MYO16: variants seen among roughly 807,000 people sequenced by gnomAD.
The protein encoded by MYO16 is myosin XVI.
A neutral mutation model predicts 205.3 loss-of-function variants in MYO16; 94 were observed. The observed-to-expected ratio is 0.46, with a 90% CI of 0.39 to 0.54. The LOEUF (loss-of-function observed/expected upper bound fraction) is 0.54. Among genes scored for constraint, MYO16 ranks in the 20% least tolerant of loss-of-function variants. The pLI is 0.00. For missense variants in MYO16, 2,315 were observed against 2,387.5 expected (o/e 0.97, Z 0.63); for synonymous variants, 988 against 954.0 (o/e 1.04, Z -0.66).
chr13:109,040,876 G>GA lies in MYO16; in HGVS notation c.2797-6037dup, dbSNP rs375353445. Reference sequence around the variant, plus strand: ...AGTTCTAGCAAGTGTAATAAAGCAAGAAAGGACATAAAAGGCAAACAGATT... The same window carrying GA: ...AGTTCTAGCAAGTGTAATAAAGCAAGAAAAGGACATAAAAGGCAAACAGATT... On this transcript the variant is annotated intron_variant, in intron 23 of 34. Coordinates refer to ENST00000457511, the MANE Select transcript of MYO16 (RefSeq NM_001198950.3). Among the ~76,000 whole-genome samples the GA allele has an allele frequency of 2.1e-3, 317 of 152,180 alleles. 1 individual carries two copies. The highest frequency in any genetic ancestry group is 7.3e-3 in the African/African-American group (302 of 41,540).
At chr13:108,769,284 G>A (rs576223963) in intron 4 of MYO16, among the ~76,000 whole-genome samples, 1 of 152,302 alleles carries the variant, frequency 6.6e-6, no homozygotes, top group East Asian at 1.9e-4. Context: ...GCACCAGGAT[G>A]GGCCAGAGAG....
intron 28 of MYO16, among the ~76,000 whole-genome samples, chr13:109,108,982 T>C (rs1366386009): frequency 6.6e-6 from 1 of 152,134 alleles, no homozygotes; most frequent in Non-Finnish European, 1.5e-5. Context: ...ATGTTTTCAT[T>C]ATTGCCCCAC....
chr13:109,111,022 C>A (rs1420860566), intron 28 of MYO16, among the ~76,000 whole-genome samples: 1 of 152,090 alleles, frequency 6.6e-6, no homozygotes, highest in Non-Finnish European at 1.5e-5. Context: ...ATGTTCAGAG[C>A]AGACAGATGG....
intron 2 of MYO16, among the ~76,000 whole-genome samples, chr13:108,708,126 C>T (rs375242517): frequency 3.1e-4 from 47 of 152,282 alleles, no homozygotes; most frequent in African/African-American, 1.1e-3. Flanking sequence ...TAATAAAATC[C>T]TCAAGTTATT....
chr13:108,629,686 T>C lies in MYO16; in HGVS notation c.-159T>C. 1 of 628,936 alleles carries C rather than the reference T, an allele frequency of 1.6e-6. No individual in the cohort carries two copies. Among genetic ancestry groups the C allele is most frequent in the South Asian group, 2.7e-5 (1 of 36,948 alleles). The allele number at this position is 628,936 out of a possible 1,614,324, so 39.0% of individuals were successfully genotyped here. ...TGCCGAATGAGAATGAGTTTGAAGCTTTTTGCAGGATCATGGAACAGAGCC... is the reference window on the plus strand; with the variant it reads ...TGCCGAATGAGAATGAGTTTGAAGCCTTTTGCAGGATCATGGAACAGAGCC... On this transcript the variant is annotated 5_prime_UTR_variant, in exon 1 of 35. Coordinates refer to ENST00000457511, the MANE Select transcript of MYO16 (RefSeq NM_001198950.3).
chr13:108,563,887 G>A, the MYO16 span, among the ~76,000 whole-genome samples: 1 of 152,146 alleles, frequency 6.6e-6, no homozygotes, highest in African/African-American at 2.4e-5. Context: ...TCATATGGTA[G>A]TTCTACTTTT....
intron 27 of MYO16, among the ~76,000 whole-genome samples, chr13:109,067,921 TAA>T (rs1386062756): frequency 6.6e-6 from 1 of 152,030 alleles, no homozygotes; most frequent in Non-Finnish European, 1.5e-5. Context: ...AAAATGAAAA[TAA>T]AAAGTCTTTA....
intron 4 of MYO16, among the ~76,000 whole-genome samples, chr13:108,745,290 G>A (rs191736516): frequency 6.6e-6 from 1 of 152,272 alleles, no homozygotes; most frequent in East Asian, 1.9e-4. Flanking sequence ...ATGGAGTGAG[G>A]AAACCCTGGG....
chr13:108,669,035 T>G (rs765965008), intron 2 of MYO16, among the ~76,000 whole-genome samples: 1 of 151,958 alleles, frequency 6.6e-6, no homozygotes, highest in Non-Finnish European at 1.5e-5. Context: ...GAGACGTAAA[T>G]TGAAAACTCA....
chr13:109,199,337 C>G (rs1002996456), intron 34 of MYO16, among the ~76,000 whole-genome samples: 2 of 150,466 alleles, frequency 1.3e-5, no homozygotes, highest in African/African-American at 4.9e-5. Flanking sequence ...GCTCAGTTGT[C>G]CCATTCATGA....
intron 2 of MYO16, among the ~76,000 whole-genome samples, chr13:108,701,881 A>G (rs552435886): frequency 4.6e-5 from 7 of 152,302 alleles, no homozygotes; most frequent in African/African-American, 1.4e-4. Flanking sequence ...AAACAAACAA[A>G]TAGAAATTCT....
At chr13:109,154,300 C>T (rs776455452) in intron 32 of MYO16, among the ~76,000 whole-genome samples, 2 of 152,158 alleles carry the variant, frequency 1.3e-5, no homozygotes, top group African/African-American at 4.8e-5. Flanking sequence ...AAGGTCCCCA[C>T]GTCCATCCCA....
intron 4 of MYO16, among the ~76,000 whole-genome samples, chr13:108,782,737 C>T (rs532274883): frequency 1.1e-3 from 166 of 152,212 alleles, no homozygotes; most frequent in Non-Finnish European, 9.6e-4. Context: ...TGCCATGTGT[C>T]CCAGCTGCTC....
At position 108,883,123 on chromosome 13, in the gene MYO16, C is replaced by T. The variant is rs1489230565; in HGVS notation, c.1490C>T (p.Ser497Phe). ...TCCTCGCTGCCTCCTCACCTCTTCT[C>T]CTGTGTGGAGAGAGCCTTTCACCAG... ...LCSSLPPHLF[S>F]CVERAFHQLF... Residue 497 changes from serine (S) to phenylalanine (F), a missense_variant, in exon 13 of 35, where the codon TCC becomes TTC. Physicochemically the swap from Ser to Phe is radical, Grantham distance 155. Around this residue, in one of 3 missense-constraint regions of MYO16, gnomAD observed 1,213 missense variants for 1,274.4 expected, o/e 0.95. Transcript: ENST00000457511. 6.2e-7 allele frequency: 1 copy of T among 1,614,018 alleles called. No homozygotes were observed. The highest frequency in any genetic ancestry group is 8.5e-7 in the Non-Finnish European group (1 of 1,180,006).
At chr13:108,892,455 G>T (rs976839687) in intron 14 of MYO16, among the ~76,000 whole-genome samples, 1 of 152,058 alleles carries the variant, frequency 6.6e-6, no homozygotes, top group African/African-American at 2.4e-5. Flanking sequence ...TGGCCAGGCT[G>T]GTCTTGAACT....
At chr13:109,075,492 C>T (rs1284235006) in intron 27 of MYO16, among the ~76,000 whole-genome samples, 1 of 150,924 alleles carries the variant, frequency 6.6e-6, no homozygotes, top group African/African-American at 2.4e-5. Flanking sequence ...TGGGTTCAAG[C>T]GATTCTCCCG....
chr13:109,176,183 T>C (rs1879165582), intron 33 of MYO16, among the ~76,000 whole-genome samples: 1 of 152,190 alleles, frequency 6.6e-6, no homozygotes, highest in Admixed American at 6.5e-5. Context: ...ATAGATAGAA[T>C]GAATGTTACG....
chr13:109,155,369 A>G (rs1166555059), intron 32 of MYO16, among the ~76,000 whole-genome samples: 1 of 152,152 alleles, frequency 6.6e-6, no homozygotes, highest in East Asian at 1.9e-4. Flanking sequence ...AGGAATTTCG[A>G]TCTACTCCAG....
chr13:108,667,426 G>A (rs1236851430), intron 2 of MYO16, among the ~76,000 whole-genome samples: 1 of 150,676 alleles, frequency 6.6e-6, no homozygotes, highest in Non-Finnish European at 1.5e-5. Flanking sequence ...TACCCATGAA[G>A]GAACTGAAAT....
Sources: gnomAD v4.1 joint callset for allele counts (sites outside exome capture counted in the v4.1 genomes callset) on GRCh38, gnomAD v4.1.1 for gene constraint, gnomAD v4.1.1 regional missense constraint, MANE v1.5 for transcripts, NCBI Gene and HGNC (gene_info 2026-07-23, HGNC 2026-07-21) for gene names.